The following DHRS12 variants were observed in gnomAD, a reference collection of about 807,000 sequenced individuals.
DHRS12 encodes the protein dehydrogenase/reductase 12, also known as dehydrogenase/reductase SDR family member 12.
In DHRS12, 29 loss-of-function variants were observed where a neutral mutation model predicts 32.1. The ratio of observed to expected loss-of-function variants is 0.90; its 90% CI spans 0.67 to 1.23. DHRS12 has a LOEUF of 1.23. Among genes scored for constraint, DHRS12 ranks in the 50% most tolerant of loss-of-function variants. The pLI is 0.00. For missense variants in DHRS12, 330 were observed against 337.2 expected, an observed-to-expected ratio of 0.98 and a Z score of 0.17; for synonymous variants, 150 against 135.9, an observed-to-expected ratio of 1.10 and a Z score of -0.72.
chr13:51,795,674 T>C (rs956577583), intron 2 of DHRS12, among the ~76,000 whole-genome samples: 1 of 152,084 alleles, frequency 6.6e-6, no homozygotes, highest in African/African-American at 2.4e-5. Flanking sequence ...AAAGGGAGAA[T>C]GCAGTGTGGC....
intron 1 of DHRS12, among the ~76,000 whole-genome samples, chr13:51,800,354 TTAAC>T (rs1367090411): frequency 5.9e-5 from 9 of 152,244 alleles, no homozygotes; most frequent in Non-Finnish European, 1.0e-4. Context: ...TGTGAGTTCT[TTAAC>T]TGTTTCTTTT....
chr13:51,772,642 C>A (rs1189304141), intron 6 of DHRS12: 1 of 985,292 alleles, frequency 1.0e-6, no homozygotes, highest in African/African-American at 1.7e-5. Context: ...GTACTAGACA[C>A]AGAGAATACA....
rs1460779192 is a variant in DHRS12, at chr13:51,804,060, T to A, written c.-15A>T. The stretch of plus-strand genomic sequence containing the variant: ...CCCCGCCGCGCCGCCTTACTTGGTG[T>A]ACTCGCGCAGCCCCTTGGCGAACCA... On this transcript the variant is annotated 5_prime_UTR_variant, in exon 1 of 9. Transcript: ENST00000444610. 6.7e-6 allele frequency: 10 copies of A among 1,483,898 alleles called. No homozygotes were observed. The highest frequency in any genetic ancestry group is 1.5e-5 in the African/African-American group (1 of 68,352). 91.9% of individuals were successfully genotyped at this position (1,483,898 alleles called of 1,614,324 possible).
At chr13:51,786,251 G>T (rs1019375965) in intron 4 of DHRS12, among the ~76,000 whole-genome samples, 13 of 152,328 alleles carry the variant, frequency 8.5e-5, no homozygotes, top group African/African-American at 2.4e-4. Flanking sequence ...GGTGGAGATA[G>T]AATCAGTGTC....
chr13:51,766,588 G>A (rs1472120300), downstream of DHRS12: 1 of 152,168 alleles, frequency 6.6e-6, no homozygotes, highest in Non-Finnish European at 1.5e-5. Flanking sequence ...GTGATTAGGT[G>A]GTAATGAGCA....
chr13:51,804,028 C>T (rs111527865), intron 1 of DHRS12, 26 bp downstream of exon 1: 1 of 1,463,552 alleles, frequency 6.8e-7, no homozygotes, highest in South Asian at 1.3e-5. Context: ...CAGCCCGGGG[C>T]CCCGCGCCCC....
chr13:51,794,300 G>A (rs1405705616), intron 2 of DHRS12, among the ~76,000 whole-genome samples: 2 of 152,176 alleles, frequency 1.3e-5, no homozygotes, highest in Non-Finnish European at 2.9e-5. Flanking sequence ...TGTGACCCAG[G>A]AGTCATGAGG....
At chr13:51,773,238 G>T (rs9568663) in intron 6 of DHRS12, among the ~76,000 whole-genome samples, 1 of 152,148 alleles carries the variant, frequency 6.6e-6, no homozygotes, top group Admixed American at 6.5e-5. Flanking sequence ...CTTGGGGATA[G>T]AACTCAAATC....
chr13:51,794,393 TAGA>T (rs572594760), intron 2 of DHRS12, among the ~76,000 whole-genome samples: 28 of 152,308 alleles, frequency 1.8e-4, no homozygotes, highest in African/African-American at 6.3e-4. Flanking sequence ...TTTTGTTAAG[TAGA>T]AATCATTCTG....
intron 1 of DHRS12, among the ~76,000 whole-genome samples, chr13:51,801,129 C>T (rs766692513): frequency 1.3e-4 from 20 of 152,112 alleles, no homozygotes; most frequent in Non-Finnish European, 2.1e-4. Context: ...AATGAGATGC[C>T]GCATCTAAGG....
chr13:51,802,077 A>G (rs550044776), intron 1 of DHRS12, among the ~76,000 whole-genome samples: 4 of 152,250 alleles, frequency 2.6e-5, no homozygotes, highest in Non-Finnish European at 5.9e-5. Flanking sequence ...TCTGTTGTTA[A>G]TAAGACTTGT....
chr13:51,765,663 C>T (rs1319983489), downstream of DHRS12: 2 of 152,234 alleles, frequency 1.3e-5, no homozygotes, highest in Non-Finnish European at 2.9e-5. Context: ...CCTATCACCA[C>T]ATGCCTTTGT....
At chr13:51,774,205 T>C (rs1226780001) in intron 5 of DHRS12, 171 bp from the exon 6 acceptor site, 9 of 599,748 alleles carry the variant, frequency 1.5e-5, no homozygotes, top group Non-Finnish European at 1.2e-5. Flanking sequence ...TGTATTCTCC[T>C]ACATGTATTC....
rs114091947 is a variant in DHRS12, at chr13:51,795,006, C to T, written c.127-3749G>A. Among the ~76,000 whole-genome samples, 644 of 152,240 alleles carry T rather than the reference C, an allele frequency of 4.2e-3. 7 individuals carry two copies. The highest frequency in any genetic ancestry group is 0.015 in the African/African-American group (624 of 41,520). On this transcript the variant is annotated intron_variant, in intron 2 of 8. Coordinates refer to ENST00000444610, the MANE Select transcript of DHRS12 (RefSeq NM_001377533.1). Reference sequence around the variant, plus strand: ...TACTCCTTTCCCCAAGCTTAAGCCACACATAACCTCTCTGAAAGATCACCT... The same window carrying T: ...TACTCCTTTCCCCAAGCTTAAGCCATACATAACCTCTCTGAAAGATCACCT...
chr13:51,762,683 C>T, the DHRS12 span: 6 of 152,220 alleles, frequency 3.9e-5, no homozygotes, highest in African/African-American at 1.4e-4. Context: ...GGCTCTTGTT[C>T]TGTCTAGGTG....
Position 51,768,074 on chromosome 13 carries a change from CACA to C in DHRS12, c.*110_*112del, listed in dbSNP as rs555938675. ...ATCCCTTGTAGGCCTCGCTGTGAGG[CACA>C]ACGTCTTCGAGGGGAAGTTGAAGTG... On this transcript the variant is annotated 3_prime_UTR_variant, in exon 9 of 9. Transcript: ENST00000444610. 202 of 1,484,104 alleles carry C rather than the reference CACA, an allele frequency of 1.4e-4. 2 individuals are homozygous for C. In the East Asian group the frequency reaches 4.9e-3, roughly 36 times the overall value. The allele number at this position is 1,484,104 out of a possible 1,614,324, so 91.9% of individuals were successfully genotyped here.
chr13:51,757,262 A>G, the DHRS12 span, among the ~76,000 whole-genome samples: 6 of 152,200 alleles, frequency 3.9e-5, no homozygotes. Flanking sequence ...GATGAAATTA[A>G]TGAGAGTTTT....
the DHRS12 span, chr13:51,762,825 C>G: frequency 1.3e-5 from 2 of 152,372 alleles, no homozygotes; most frequent in East Asian, 3.9e-4. Flanking sequence ...CAGATCTACA[C>G]ATATCATACG....
At chr13:51,796,248 G>A (rs1955506846) in intron 2 of DHRS12, among the ~76,000 whole-genome samples, 1 of 152,148 alleles carries the variant, frequency 6.6e-6, no homozygotes, top group African/African-American at 2.4e-5. Flanking sequence ...GTGGAGTGGG[G>A]CCTCTTCATA....
Sources: allele counts gnomAD v4.1 joint callset (sites outside exome capture counted in the v4.1 genomes callset), GRCh38; gene constraint gnomAD v4.1.1; transcripts MANE v1.5; gene names NCBI Gene and HGNC (gene_info 2026-07-23, HGNC 2026-07-21).